Variants in LAX1 observed in about 807,000 individuals in gnomAD.
LAX1 encodes the protein lymphocyte transmembrane adapter 1.
Under a neutral mutation model 20.7 loss-of-function variants are expected in LAX1, and 17 were observed. The observed-to-expected ratio is 0.82, with a 90% CI of 0.56 to 1.23. The LOEUF (loss-of-function observed/expected upper bound fraction) is 1.23. Among genes scored for constraint, LAX1 ranks in the 50% most tolerant of loss-of-function variants. LAX1 has a pLI of 0.00. For missense variants in LAX1, 470 were observed against 487.0 expected, an observed-to-expected ratio of 0.97 and a Z score of 0.33; for synonymous variants, 165 against 181.0, an observed-to-expected ratio of 0.91 and a Z score of 0.71.
chr1:203,774,009 T>C lies in LAX1; in HGVS notation c.525T>C (p.Asn175=). The change falls in exon 5 of 5, where the codon AAT becomes AAC. Residue 175 remains asparagine (N), a synonymous_variant. Transcript: ENST00000442561. ...GNLTPSAHCI[N]VRASRDCASI... ...TCACTCCCTCGGCACACTGCATCAA[T>C]GTCAGAGCTTCCAGAGACTGCGCAA... 1 of 1,614,088 alleles carries C rather than the reference T, an allele frequency of 6.2e-7. No individual in the cohort carries two copies. Among genetic ancestry groups the C allele is most frequent in the Non-Finnish European group, 8.5e-7 (1 of 1,180,020 alleles).
At chr1:203,770,349 G>A (rs1475679234) in intron 1 of LAX1, among the ~76,000 whole-genome samples, 2 of 143,976 alleles carry the variant, frequency 1.4e-5, no homozygotes, top group Admixed American at 7.0e-5. Flanking sequence ...CCAGGAGGCG[G>A]AGGTTGCAGC....
At chr1:203,773,807 C>T (rs1667461102) in intron 4 of LAX1, 68 bp from the exon 5 acceptor site, 2 of 230,934 alleles carry the variant, frequency 8.7e-6, no homozygotes, top group Non-Finnish European at 8.1e-6. Context: ...GTGGTATTTT[C>T]CAAGAAGAAA....
At position 203,772,585 on chromosome 1, in the gene LAX1, G is replaced by C. The variant is rs185759646; in HGVS notation, c.390+438G>C. Among the ~76,000 whole-genome samples, 90 of 152,120 alleles carry C rather than the reference G, an allele frequency of 5.9e-4. 2 individuals are homozygous for C. In the East Asian group the frequency reaches 0.017, roughly 28 times the overall value. On this transcript the variant is annotated intron_variant, in intron 4 of 4. Coordinates refer to ENST00000442561, the MANE Select transcript of LAX1 (RefSeq NM_017773.4). ...TGGGATTACAGGCATGCGCCACCACGCCCAGCTAATTTTTGTATTTTTAGT... is the reference window on the plus strand; with the variant it reads ...TGGGATTACAGGCATGCGCCACCACCCCCAGCTAATTTTTGTATTTTTAGT...
chr1:203,767,942 C>T (rs1667330900), intron 1 of LAX1, among the ~76,000 whole-genome samples: 1 of 151,098 alleles, frequency 6.6e-6, no homozygotes, highest in Non-Finnish European at 1.5e-5. Context: ...CTGAGCAACA[C>T]ATGGAGACCC....
At chr1:203,766,392 G>A (rs1004180507) in intron 1 of LAX1, among the ~76,000 whole-genome samples, 5 of 152,344 alleles carry the variant, frequency 3.3e-5, no homozygotes, top group African/African-American at 9.6e-5. Flanking sequence ...GGCTGAGGCA[G>A]GAGAATCACT....
At position 203,775,563 on chromosome 1, in the gene LAX1, A is replaced by C. The variant is rs1383804770; in HGVS notation, c.*882A>C. ...ACTTATCATATGGCCCAGCCATTTC[A>C]CTACTAGAAATTGACGCAAGTGAAC... On this transcript the variant is annotated 3_prime_UTR_variant, in exon 5 of 5. Coordinates refer to ENST00000442561, the MANE Select transcript of LAX1 (RefSeq NM_017773.4). The C allele has an allele frequency of 6.6e-6, 1 of 152,188 alleles. No homozygotes were observed. Among genetic ancestry groups the C allele is most frequent in the African/African-American group, 2.4e-5 (1 of 41,458 alleles). The allele number at this position is 152,188 out of a possible 1,614,324, so 9.4% of individuals were successfully genotyped here. A position where few individuals can be genotyped will look rare whatever the true frequency, so the allele number is the denominator to read the frequency against.
chr1:203,773,991 C>T lies in LAX1; in HGVS notation c.507C>T (p.Pro169=), dbSNP rs1667466026. ...MVPQMCGNLT[P]SAHCINVRAS... ...CCCAGATGTGTGGGAACCTCACTCC[C>T]TCGGCACACTGCATCAATGTCAGAG... Residue 169 remains proline (P), a synonymous_variant, in exon 5 of 5, where the codon CCC becomes CCT. Coordinates refer to ENST00000442561, the MANE Select transcript of LAX1 (RefSeq NM_017773.4). 1.2e-6 allele frequency: 2 copies of T among 1,613,966 alleles called. No individual in the cohort carries two copies. The highest frequency in any genetic ancestry group is 2.2e-5 in the East Asian group (1 of 44,880).
intron 1 of LAX1, among the ~76,000 whole-genome samples, chr1:203,769,397 A>AAAGAAAG (rs1553254194): frequency 1.3e-5 from 1 of 76,688 alleles, no homozygotes; most frequent in African/African-American, 5.4e-5. Flanking sequence ...GTCTCAAAAA[A>AAAGAAAG]AAAGAAAGAA....
chr1:203,773,294 A>T (rs1667450587), intron 4 of LAX1, among the ~76,000 whole-genome samples: 1 of 152,076 alleles, frequency 6.6e-6, no homozygotes. Context: ...ACTACTAAAA[A>T]TACAAAATAT....
chr1:203,773,640 A>AGT (rs1432639376), intron 4 of LAX1, among the ~76,000 whole-genome samples: 1 of 151,422 alleles, frequency 6.6e-6, no homozygotes. Context: ...ACTGCCTCTC[A>AGT]GTGGGCTCTT....
Position 203,774,957 on chromosome 1 carries a change from A to G in LAX1, c.*276A>G, listed in dbSNP as rs993620448. Reference sequence around the variant, plus strand: ...TGCTTCCTAGAACTGTGAAGAAAGCAGGAAAGTAGTGCACAGTAGTCTAAG... The same window carrying G: ...TGCTTCCTAGAACTGTGAAGAAAGCGGGAAAGTAGTGCACAGTAGTCTAAG... On this transcript the variant is annotated 3_prime_UTR_variant, in exon 5 of 5. Coordinates refer to ENST00000442561, the MANE Select transcript of LAX1 (RefSeq NM_017773.4). The G allele has an allele frequency of 2.1e-6, 1 of 467,474 alleles. No homozygotes were observed. Among genetic ancestry groups the G allele is most frequent in the Non-Finnish European group, 3.8e-6 (1 of 263,132 alleles). The allele number at this position is 467,474 out of a possible 1,614,324, so 29.0% of individuals were successfully genotyped here. A position where few individuals can be genotyped will look rare whatever the true frequency, so the allele number is the denominator to read the frequency against.
rs901579429 is a variant in LAX1, at chr1:203,773,940, G to T, written c.456G>T (p.Val152=). 1 of 1,613,758 alleles carries T rather than the reference G, an allele frequency of 6.2e-7. No individual in the cohort carries two copies. The highest frequency in any genetic ancestry group is 2.2e-5 in the East Asian group (1 of 44,880). ...ACATCCATGCCACAGAGTACGCGGT[G>T]GGTATCTATGACAACGCCATGGTCC... ...TAHIHATEYA[V]GIYDNAMVPQ... Residue 152 remains valine (V), a synonymous_variant, in exon 5 of 5, where the codon GTG becomes GTT. Coordinates refer to ENST00000442561, the MANE Select transcript of LAX1 (RefSeq NM_017773.4).
chr1:203,768,650 T>C (rs1484399473), intron 1 of LAX1, among the ~76,000 whole-genome samples: 1 of 152,200 alleles, frequency 6.6e-6, no homozygotes, highest in Non-Finnish European at 1.5e-5. Flanking sequence ...GGAAGGACTA[T>C]AGACTTTATT....
At chr1:203,770,510 G>GAAAGA (rs1317078482) in intron 1 of LAX1, among the ~76,000 whole-genome samples, 6 of 16,926 alleles carry the variant, frequency 3.5e-4, no homozygotes, top group African/African-American at 1.2e-3. Flanking sequence ...AGGAAGGAAG[G>GAAAGA]AAGAAAGAAA....
At chr1:203,766,338 AGCCG>A (rs1467533074) in intron 1 of LAX1, among the ~76,000 whole-genome samples, 4 of 152,134 alleles carry the variant, frequency 2.6e-5, no homozygotes, top group African/African-American at 9.7e-5. Context: ...TACAAAAATT[AGCCG>A]GGAGTGGTAG....
At chr1:203,771,526 T>G in intron 3 of LAX1, 49 bp downstream of exon 3, 1 of 1,114,572 alleles carries the variant, frequency 9.0e-7, no homozygotes, top group Non-Finnish European at 1.4e-6. Flanking sequence ...GAACTTCTAC[T>G]CCCAGAATGT....
rs1553254324 is a variant in LAX1 at position 203,770,433 on chromosome 1, A to AGAGAGAGAG, written c.90-395_90-394insGAGAGAGAG. ...TCCATCAAAAAGAAAGAAAGAAAGA[A>AGAGAGAGAG]AGAGAGAGAGAGAGAGAGAGAAAGG... is the stretch of plus-strand genomic sequence containing the variant. On this transcript the variant is annotated intron_variant, in intron 1 of 4. Transcript: ENST00000442561. Among the ~76,000 whole-genome samples, 34 of 44,920 alleles carry AGAGAGAGAG rather than the reference A, an allele frequency of 7.6e-4. 3 individuals carry two copies. The highest frequency in any genetic ancestry group is 4.7e-3 in the South Asian group (4 of 854). 29.5% of individuals were successfully genotyped at this position (44,920 alleles called of 152,430 possible).
rs530174321 is a variant in LAX1, at chr1:203,765,269, G to A, written c.-297G>A. On this transcript the variant is annotated 5_prime_UTR_variant, in exon 1 of 5. Coordinates refer to ENST00000442561, the MANE Select transcript of LAX1 (RefSeq NM_017773.4). ...CAGTTTCCCCCTCTGTGCCCCTCAC[G>A]TTTCCACCAGAAACGTGAAGGCAGA... 172 of 1,395,394 alleles carry A rather than the reference G, an allele frequency of 1.2e-4. 1 individual carries two copies. Among genetic ancestry groups the A allele is most frequent in the Non-Finnish European group, 1.7e-4 (166 of 1,005,792 alleles). The allele number at this position is 1,395,394 out of a possible 1,614,324, so 86.4% of individuals were successfully genotyped here.
intron 4 of LAX1, 61 bp from the exon 5 acceptor site, chr1:203,773,814 G>C (rs12730390): frequency 3.4e-6 from 1 of 294,650 alleles, no homozygotes; most frequent in Non-Finnish European, 5.8e-6. Flanking sequence ...TTTCCAAGAA[G>C]AAAGGCTTTG....
Sources: gnomAD v4.1 joint callset for allele counts (sites outside exome capture counted in the v4.1 genomes callset) on GRCh38, gnomAD v4.1.1 for gene constraint, MANE v1.5 for transcripts, NCBI Gene and HGNC (gene_info 2026-07-23, HGNC 2026-07-21) for gene names.